The following AKAP6 variants were observed in gnomAD, a reference collection of about 807,000 sequenced individuals.
AKAP6 encodes A-kinase anchor protein 6.
In AKAP6, 58 loss-of-function variants were observed where a neutral mutation model predicts 188.5. The ratio of observed to expected loss-of-function variants is 0.31; its 90% CI spans 0.25 to 0.38. The LOEUF is 0.38. Ranked by LOEUF, AKAP6 falls within the 10% of genes least tolerant of loss-of-function variation. The probability of loss-of-function intolerance (pLI) is 1.00; values close to 1 mark genes in which losing one functional copy is unlikely to be tolerated. For missense variants in AKAP6, 2,710 were observed against 2,740.0 expected, an observed-to-expected ratio of 0.99 and a Z score of 0.24; for synonymous variants, 989 against 998.6, an observed-to-expected ratio of 0.99 and a Z score of 0.18.
At chr14:32,457,055 T>C (rs939882532) in intron 2 of AKAP6, among the ~76,000 whole-genome samples, 40 of 152,224 alleles carry the variant, frequency 2.6e-4, no homozygotes, top group African/African-American at 9.4e-4. Flanking sequence ...ACAAGGTAGC[T>C]AGCATCTCTT....
At chr14:32,329,474 G>A (rs1319031422) in intron 1 of AKAP6, 66 bp downstream of exon 1, 4 of 152,112 alleles carry the variant, frequency 2.6e-5, no homozygotes, top group Non-Finnish European at 5.9e-5. Context: ...GTCTGCTAAG[G>A]CGGAGATTGG....
chr14:32,550,106 T>G (rs1251683982), intron 4 of AKAP6, among the ~76,000 whole-genome samples: 1 of 152,254 alleles, frequency 6.6e-6, no homozygotes, highest in Non-Finnish European at 1.5e-5. Context: ...TATTCCATTC[T>G]GAGCCTTGTT....
At chr14:32,731,787 A>G (rs2031187160) in intron 9 of AKAP6, among the ~76,000 whole-genome samples, 1 of 152,062 alleles carries the variant, frequency 6.6e-6, no homozygotes, top group Admixed American at 6.6e-5. Flanking sequence ...CTCCAGCAAA[A>G]CATCTTTTAG....
intron 7 of AKAP6, among the ~76,000 whole-genome samples, chr14:32,661,480 G>C (rs77539966): frequency 6.6e-6 from 1 of 152,114 alleles, no homozygotes; most frequent in African/African-American, 2.4e-5. Context: ...TGCAGAATCA[G>C]TGTCATTCCT....
chr14:32,536,434 G>A (rs1207087086), intron 3 of AKAP6, among the ~76,000 whole-genome samples: 1 of 152,174 alleles, frequency 6.6e-6, no homozygotes, highest in East Asian at 1.9e-4. Flanking sequence ...AGTAGCACTG[G>A]AGCAAAAAGC....
At chr14:32,429,025 A>C (rs1048220275) in intron 1 of AKAP6, among the ~76,000 whole-genome samples, 1 of 152,204 alleles carries the variant, frequency 6.6e-6, no homozygotes, top group Non-Finnish European at 1.5e-5. Flanking sequence ...TAATGCTGGA[A>C]AGGTGGCCGC....
Position 32,537,636 on chromosome 14 carries a change from C to T in AKAP6, c.576+1831C>T, listed in dbSNP as rs189809803. On this transcript the variant is annotated intron_variant, in intron 3 of 13. Coordinates refer to ENST00000280979, the MANE Select transcript of AKAP6 (RefSeq NM_004274.5). ...AATGCTGGTCAGTGATCAAATCTGC[C>T]TGCTTTCTACTACTAGAAGGAGATT... Among the ~76,000 whole-genome samples, 41 of 152,264 alleles carry T rather than the reference C, an allele frequency of 2.7e-4. No homozygotes were observed. The East Asian group carries it at 6.9e-3, about 26-fold the overall frequency.
rs1363063132 is a variant in AKAP6, at chr14:32,834,537, T to TTA, written c.*4733_*4734insAT. 5 of 149,528 alleles carry TTA rather than the reference T, an allele frequency of 3.3e-5. No homozygotes were observed. Among genetic ancestry groups the TTA allele is most frequent in the African/African-American group, 1.2e-4 (5 of 40,866 alleles). 9.3% of individuals were successfully genotyped at this position (149,528 alleles called of 1,614,324 possible). A position where few individuals can be genotyped will look rare whatever the true frequency, so the allele number is the denominator to read the frequency against. On this transcript the variant is annotated 3_prime_UTR_variant, in exon 14 of 14. Coordinates refer to ENST00000280979, the MANE Select transcript of AKAP6 (RefSeq NM_004274.5). Reference sequence around the variant, plus strand: ...CACTGCTTTTAGTTTCCAAGTCTTTTTTTTTTTTTTTTTTTTTAAATCTTG... The same window carrying TTA: ...CACTGCTTTTAGTTTCCAAGTCTTTTTATTTTTTTTTTTTTTTTTAAATCTTG...
intron 4 of AKAP6, among the ~76,000 whole-genome samples, chr14:32,573,380 A>G (rs1445470126): frequency 1.3e-5 from 2 of 152,204 alleles, no homozygotes; most frequent in African/African-American, 4.8e-5. Context: ...TGAATTCAGA[A>G]TATTAGAAAC....
intron 2 of AKAP6, among the ~76,000 whole-genome samples, chr14:32,449,521 CAAAAAA>C (rs33960351): frequency 5.7e-5 from 6 of 104,606 alleles, no homozygotes; most frequent in African/African-American, 1.0e-4. Context: ...GACTCCATCT[CAAAAAA>C]AAAAAAAAAA....
chr14:32,540,761 A>T lies in AKAP6; in HGVS notation c.577-4469A>T, dbSNP rs1012144059. On this transcript the variant is annotated intron_variant, in intron 3 of 13. Coordinates refer to ENST00000280979, the MANE Select transcript of AKAP6 (RefSeq NM_004274.5). Reference sequence around the variant, plus strand: ...TTACTAAGCAATATTTTCAGAGATAAAACTCATTCATCTGCTCTGAGAAAC... The same window carrying T: ...TTACTAAGCAATATTTTCAGAGATATAACTCATTCATCTGCTCTGAGAAAC... Among the ~76,000 whole-genome samples the T allele has an allele frequency of 1.4e-4, 21 of 152,330 alleles. 1 individual carries two copies. Among genetic ancestry groups the T allele is most frequent in the African/African-American group, 4.6e-4 (19 of 41,584 alleles).
chr14:32,448,178 C>T (rs539780694), intron 2 of AKAP6, among the ~76,000 whole-genome samples: 2 of 152,294 alleles, frequency 1.3e-5, no homozygotes, highest in South Asian at 2.1e-4. Context: ...AACTTTATAA[C>T]GTGGCAATGC....
intron 2 of AKAP6, among the ~76,000 whole-genome samples, chr14:32,492,895 G>T (rs1028116261): frequency 6.6e-6 from 1 of 152,088 alleles, no homozygotes; most frequent in Non-Finnish European, 1.5e-5. Flanking sequence ...ATGTCAAACT[G>T]GTGTTTATGA....
chr14:32,752,662 T>A (rs2032182445), intron 11 of AKAP6, among the ~76,000 whole-genome samples: 1 of 152,214 alleles, frequency 6.6e-6, no homozygotes. Flanking sequence ...ACCCTTTGAC[T>A]AAAATCTCTT....
chr14:32,489,438 G>A (rs1402768054), intron 2 of AKAP6, among the ~76,000 whole-genome samples: 1 of 152,054 alleles, frequency 6.6e-6, no homozygotes, highest in Admixed American at 6.6e-5. Flanking sequence ...TCGAACTCCT[G>A]GCCTCAAGCA....
intron 11 of AKAP6, among the ~76,000 whole-genome samples, chr14:32,762,817 G>T (rs1305136490): frequency 6.6e-6 from 1 of 151,992 alleles, no homozygotes; most frequent in African/African-American, 2.4e-5. Flanking sequence ...GATTCAACTT[G>T]ATTGGTGAGT....
intron 11 of AKAP6, among the ~76,000 whole-genome samples, chr14:32,771,240 C>T (rs1415378379): frequency 6.6e-6 from 1 of 150,758 alleles, no homozygotes; most frequent in Non-Finnish European, 1.5e-5. Flanking sequence ...GTAAAATTTC[C>T]AATTTTCCCC....
At chr14:32,799,365 T>C (rs2033869720) in intron 12 of AKAP6, among the ~76,000 whole-genome samples, 1 of 152,206 alleles carries the variant, frequency 6.6e-6, no homozygotes, top group African/African-American at 2.4e-5. Context: ...AGGCTTAAAT[T>C]GTTTTTCTTT....
intron 12 of AKAP6, among the ~76,000 whole-genome samples, chr14:32,805,621 C>T (rs534107709): frequency 1.3e-5 from 2 of 152,282 alleles, no homozygotes; most frequent in South Asian, 4.1e-4. Flanking sequence ...AAGCAGCAGT[C>T]ACATTTAAAT....
Sources: gnomAD v4.1 joint callset for allele counts (sites outside exome capture counted in the v4.1 genomes callset) on GRCh38, gnomAD v4.1.1 for gene constraint, MANE v1.5 for transcripts, NCBI Gene and HGNC (gene_info 2026-07-23, HGNC 2026-07-21) for gene names.